Variants in OSBPL10 observed in about 807,000 individuals in gnomAD.
The protein encoded by OSBPL10 is oxysterol-binding protein-related protein 10.
In OSBPL10, 49 loss-of-function variants were observed where a neutral mutation model predicts 81.7. The ratio of observed to expected loss-of-function variants is 0.60; its 90% CI spans 0.48 to 0.76. The LOEUF is 0.76. OSBPL10 is among the 30% of genes least tolerant of loss of function. The probability of loss-of-function intolerance (pLI) is 0.00; values close to 1 mark genes in which losing one functional copy is unlikely to be tolerated. For synonymous variants in OSBPL10, 419 were observed against 383.6 expected (o/e 1.09, Z -1.08); for missense variants, 923 against 987.8 (o/e 0.93, Z 0.88).
chr3:31,999,657 G>A lies in OSBPL10; in HGVS notation n.298+46834C>T, dbSNP rs560771271. ...ATTACAGGTGTGAGCCACCGTGCCC[G>A]GCCTCAAAATCATTTTTAAAAATTC... is the stretch of plus-strand genomic sequence containing the variant. On this transcript the variant is annotated intron_variant and non_coding_transcript_variant, in intron 2 of 3. Coordinates refer to the OSBPL10 transcript ENST00000479173. Among the ~76,000 whole-genome samples, 41 of 152,060 alleles carry A rather than the reference G, an allele frequency of 2.7e-4. No individual in the cohort carries two copies. In the South Asian group the frequency reaches 4.4e-3, roughly 16 times the overall value.
chr3:31,827,635 C>CAA (rs34122216), intron 4 of OSBPL10, among the ~76,000 whole-genome samples: 4 of 132,024 alleles, frequency 3.0e-5, no homozygotes, highest in Non-Finnish European at 4.9e-5. Context: ...GACTCTGTCT[C>CAA]AAAAAAAAAA....
chr3:31,964,771 C>G (rs185498114), intron 1 of OSBPL10, among the ~76,000 whole-genome samples: 10 of 152,226 alleles, frequency 6.6e-5, no homozygotes, highest in Admixed American at 2.0e-4. Flanking sequence ...CATGGCTCAT[C>G]ATTTAACTGA....
intron 6 of OSBPL10, among the ~76,000 whole-genome samples, chr3:31,711,867 CAAT>C (rs1177170382): frequency 1.2e-4 from 18 of 152,228 alleles, no homozygotes; most frequent in African/African-American, 4.3e-4. Flanking sequence ...TATTATATCT[CAAT>C]AATGTTGTCA....
intron 1 of OSBPL10, among the ~76,000 whole-genome samples, chr3:31,913,393 C>G (rs576690985): frequency 6.6e-6 from 1 of 151,976 alleles, no homozygotes; most frequent in African/African-American, 2.4e-5. Flanking sequence ...GGACTACAGG[C>G]GCACAACACC....
At chr3:31,693,042 A>G (rs957721335) in intron 7 of OSBPL10, among the ~76,000 whole-genome samples, 1 of 152,246 alleles carries the variant, frequency 6.6e-6, no homozygotes, top group Admixed American at 6.5e-5. Flanking sequence ...TCTCTCTTCT[A>G]TTAAAAGGCA....
intron 4 of OSBPL10, chr3:31,795,050 T>C (rs376264371): frequency 2.5e-5 from 5 of 199,300 alleles, no homozygotes; most frequent in Admixed American, 2.4e-4. Context: ...ACTCACAATG[T>C]AGAGAAGACA....
intron 1 of OSBPL10, among the ~76,000 whole-genome samples, chr3:32,075,812 C>A (rs568626362): frequency 6.6e-6 from 1 of 152,268 alleles, no homozygotes; most frequent in Admixed American, 6.5e-5. Context: ...CCATCATATC[C>A]CCTGTGACCT....
chr3:31,863,597 C>A (rs944577021), intron 3 of OSBPL10, among the ~76,000 whole-genome samples: 4 of 152,146 alleles, frequency 2.6e-5, no homozygotes, highest in Non-Finnish European at 4.4e-5. Context: ...ACAAGATAAT[C>A]CAAGAAAAGT....
chr3:31,791,777 C>G (rs979720657), intron 4 of OSBPL10, among the ~76,000 whole-genome samples: 1 of 150,004 alleles, frequency 6.7e-6, no homozygotes, highest in Non-Finnish European at 1.5e-5. Flanking sequence ...AGGTAAGTAA[C>G]TAATTATGAT....
At chr3:32,029,548 C>A (rs534109693) in intron 2 of OSBPL10, among the ~76,000 whole-genome samples, 3 of 152,018 alleles carry the variant, frequency 2.0e-5, no homozygotes, top group African/African-American at 7.3e-5. Context: ...TATGTTCTGC[C>A]GGTAACAATA....
intron 1 of OSBPL10, among the ~76,000 whole-genome samples, chr3:31,898,388 G>A (rs2125672347): frequency 6.6e-6 from 1 of 152,188 alleles, no homozygotes; most frequent in East Asian, 1.9e-4. Context: ...CCCTATAAAT[G>A]TATACAACTG....
intron 4 of OSBPL10, among the ~76,000 whole-genome samples, chr3:31,824,249 G>A (rs971987257): frequency 3.3e-5 from 5 of 152,000 alleles, no homozygotes; most frequent in African/African-American, 1.2e-4. Context: ...CATATGGAAG[G>A]GATAAATGGA....
At chr3:31,738,797 C>T (rs999585363) in intron 5 of OSBPL10, among the ~76,000 whole-genome samples, 1 of 152,090 alleles carries the variant, frequency 6.6e-6, no homozygotes, top group Non-Finnish European at 1.5e-5. Flanking sequence ...AGCAGCACTG[C>T]AGAGACTCAG....
chr3:31,810,644 A>G (rs988926819), intron 4 of OSBPL10, among the ~76,000 whole-genome samples: 1 of 152,218 alleles, frequency 6.6e-6, no homozygotes, highest in South Asian at 2.1e-4. Context: ...AAACATGAAC[A>G]GTTTTCAGGA....
At chr3:31,827,580 G>A (rs534880139) in intron 4 of OSBPL10, among the ~76,000 whole-genome samples, 1 of 151,924 alleles carries the variant, frequency 6.6e-6, no homozygotes, top group East Asian at 1.9e-4. Context: ...AGCTTGCACT[G>A]AGCTGAGATC....
chr3:31,732,653 G>C (rs1442507609), intron 6 of OSBPL10: 1 of 152,434 alleles, frequency 6.6e-6, no homozygotes, highest in East Asian at 1.9e-4. Context: ...AGAAATAGGA[G>C]AGCCAGGCTG....
intron 4 of OSBPL10, among the ~76,000 whole-genome samples, chr3:31,818,823 G>A (rs1274741061): frequency 6.6e-6 from 1 of 152,156 alleles, no homozygotes; most frequent in African/African-American, 2.4e-5. Flanking sequence ...CTTTGGTCAG[G>A]TTAGAGGAAT....
intron 3 of OSBPL10, 70 bp downstream of exon 3, chr3:31,876,363 G>T (rs1356242412): frequency 2.2e-6 from 3 of 1,353,636 alleles, no homozygotes; most frequent in Admixed American, 3.4e-5. Context: ...CTTCCCCGAA[G>T]AAACAAATAA....
chr3:31,886,011 A>G lies in OSBPL10; in HGVS notation c.282-6181T>C, dbSNP rs188081600. Among the ~76,000 whole-genome samples, 392 of 142,748 alleles carry G rather than the reference A, an allele frequency of 2.7e-3. 2 individuals carry two copies. The highest frequency in any genetic ancestry group is 9.2e-3 in the African/African-American group (347 of 37,548). 93.6% of individuals were successfully genotyped at this position (142,748 alleles called of 152,430 possible). ...ACTCCATCTCAAAAAAAAAAAAAAA[A>G]AAAGAAAGAAAGAAAGAAAGGAGAA... On this transcript the variant is annotated intron_variant, in intron 1 of 11. Coordinates refer to ENST00000396556, the MANE Select transcript of OSBPL10 (RefSeq NM_017784.5).
Sources: gnomAD v4.1 joint callset for allele counts (sites outside exome capture counted in the v4.1 genomes callset) on GRCh38, gnomAD v4.1.1 for gene constraint, MANE v1.5 for transcripts, NCBI Gene and HGNC (gene_info 2026-07-23, HGNC 2026-07-21) for gene names.